The following PCP4L1 variants were observed in gnomAD, a reference collection of about 807,000 sequenced individuals.
The protein encoded by PCP4L1 is Purkinje cell protein 4-like protein 1.
A neutral mutation model predicts 9.6 loss-of-function variants in PCP4L1; 9 were observed. The observed-to-expected ratio is 0.94, with a 90% confidence interval of 0.57 to 1.64. The LOEUF is 1.64. PCP4L1 is among the 40% of genes most tolerant of loss of function. The pLI, the probability that PCP4L1 is intolerant of heterozygous loss-of-function variation, is 0.00. For missense variants in PCP4L1, 81 were observed against 80.8 expected (o/e 1.00, Z -0.01); for synonymous variants, 31 against 28.2 (o/e 1.10, Z -0.31).
chr1:161,258,890 C>A lies in PCP4L1; in HGVS notation c.-85C>A. ...TAACCCCTGCCGCAGAGCCCGGCAA[C>A]TTTCAGCTGTCGCCCGCGGAGCCCC... On this transcript the variant is annotated 5_prime_UTR_variant, in exon 1 of 3. Transcript: ENST00000504449. 3 of 1,531,146 alleles carry A rather than the reference C, an allele frequency of 2.0e-6. No homozygotes were observed. In the South Asian group the frequency reaches 3.6e-5, roughly 18 times the overall value. The allele number at this position is 1,531,146 out of a possible 1,614,324, so 94.8% of individuals were successfully genotyped here.
At chr1:161,272,193 T>TTTC (rs2102236242) in intron 1 of PCP4L1, among the ~76,000 whole-genome samples, 1 of 152,040 alleles carries the variant, frequency 6.6e-6, no homozygotes, top group East Asian at 1.9e-4. Context: ...TCCCTTTTTT[T>TTTC]TTTTTTAAGC....
chr1:161,275,515 CAAAA>C (rs11302998), intron 1 of PCP4L1, among the ~76,000 whole-genome samples: 3 of 91,880 alleles, frequency 3.3e-5, no homozygotes, highest in Non-Finnish European at 4.4e-5. Flanking sequence ...GACTCCGTCT[CAAAA>C]AAAAAAAAAA....
intron 1 of PCP4L1, among the ~76,000 whole-genome samples, chr1:161,262,248 C>T (rs2102230185): frequency 6.6e-6 from 1 of 152,082 alleles, no homozygotes; most frequent in South Asian, 2.1e-4. Flanking sequence ...TCCTGGCTAA[C>T]ATGGTGAAAC....
chr1:161,279,373 C>A (rs1669756491), intron 1 of PCP4L1, among the ~76,000 whole-genome samples: 1 of 152,144 alleles, frequency 6.6e-6, no homozygotes, highest in South Asian at 2.1e-4. Flanking sequence ...ACAATACTTG[C>A]CATGTGATTA....
rs757348131 is a variant in PCP4L1 at position 161,273,275 on chromosome 1, G to A, written c.10-10393G>A. ...AAATTAAGGAAAAGAAGGAGTTGAT[G>A]GGCCTCACAGTTGCTAATTAGTGTT... On this transcript the variant is annotated intron_variant, in intron 1 of 2. Transcript: ENST00000504449. Among the ~76,000 whole-genome samples the A allele has an allele frequency of 1.8e-4, 28 of 152,260 alleles. 1 individual carries two copies. Among genetic ancestry groups the A allele is most frequent in the South Asian group, 1.0e-3 (5 of 4,812 alleles).
chr1:161,264,471 A>G (rs1273962934), intron 1 of PCP4L1, among the ~76,000 whole-genome samples: 3 of 151,894 alleles, frequency 2.0e-5, no homozygotes, highest in African/African-American at 7.2e-5. Flanking sequence ...GAGCCGAGAT[A>G]GCACCACTGC....
At chr1:161,281,941 G>A (rs1000377219) in intron 1 of PCP4L1, among the ~76,000 whole-genome samples, 3 of 151,690 alleles carry the variant, frequency 2.0e-5, no homozygotes, top group Non-Finnish European at 2.9e-5. Flanking sequence ...CATCCCAGAC[G>A]ATGGGCGGCC....
intron 1 of PCP4L1, among the ~76,000 whole-genome samples, chr1:161,270,465 C>T (rs1669604038): frequency 6.7e-6 from 1 of 148,992 alleles, no homozygotes; most frequent in Admixed American, 6.8e-5. Flanking sequence ...TCCTAACCCC[C>T]AAGATGATGA....
intron 1 of PCP4L1, among the ~76,000 whole-genome samples, chr1:161,274,793 G>C (rs778973511): frequency 4.6e-5 from 7 of 152,016 alleles, no homozygotes; most frequent in Non-Finnish European, 8.8e-5. Context: ...TGTCCAGAGT[G>C]GCTATTTCGA....
intron 1 of PCP4L1, among the ~76,000 whole-genome samples, chr1:161,259,255 A>T (rs1448864791): frequency 6.6e-6 from 1 of 152,110 alleles, no homozygotes; most frequent in Non-Finnish European, 1.5e-5. Flanking sequence ...CTGAGCTCTC[A>T]GGTGGTAGGT....
At chr1:161,284,271 G>T in intron 2 of PCP4L1, 68 bp from the exon 3 acceptor site, 5 of 1,607,226 alleles carry the variant, frequency 3.1e-6, no homozygotes, top group Non-Finnish European at 4.3e-6. Flanking sequence ...CCACTGTATT[G>T]GGGGCCTGGA....
chr1:161,282,010 C>T lies in PCP4L1; in HGVS notation c.10-1658C>T, dbSNP rs955366753. 7.9e-5 allele frequency among the ~76,000 whole-genome samples: 12 copies of T among 152,298 alleles called. No homozygotes were observed. In the East Asian group the frequency reaches 1.4e-3, roughly 17 times the overall value. On this transcript the variant is annotated intron_variant, in intron 1 of 2. Transcript: ENST00000504449. Reference sequence around the variant, plus strand: ...GGCAGCCAGGCAGAGGCTGCAATCTCGGCACTTTGGGAGGCCAAGGCAGGC... The same window carrying T: ...GGCAGCCAGGCAGAGGCTGCAATCTTGGCACTTTGGGAGGCCAAGGCAGGC...
chr1:161,261,060 G>A (rs1218117956), intron 1 of PCP4L1, among the ~76,000 whole-genome samples: 1 of 152,076 alleles, frequency 6.6e-6, no homozygotes, highest in Non-Finnish European at 1.5e-5. Context: ...AGAGCTCTAG[G>A]GAGACTCCAA....
intron 1 of PCP4L1, among the ~76,000 whole-genome samples, chr1:161,277,005 C>G (rs967216923): frequency 3.9e-5 from 6 of 152,064 alleles, no homozygotes; most frequent in African/African-American, 1.4e-4. Context: ...ATTATCTCAG[C>G]TATTTAGGAG....
chr1:161,260,413 T>G (rs1030659738), intron 1 of PCP4L1, among the ~76,000 whole-genome samples: 1 of 152,210 alleles, frequency 6.6e-6, no homozygotes. Flanking sequence ...CTCTTTCACC[T>G]CTAATGTGGG....
At chr1:161,259,039 G>C (rs1477938751) in intron 1 of PCP4L1, 56 bp downstream of exon 1, 6 of 1,519,792 alleles carry the variant, frequency 3.9e-6, no homozygotes, top group Non-Finnish European at 4.4e-6. Flanking sequence ...AGGGTGCTGC[G>C]GCTCGGGATC....
At position 161,284,766 on chromosome 1, in the gene PCP4L1, A is replaced by G. The variant is rs961963349; in HGVS notation, c.*285A>G. On this transcript the variant is annotated 3_prime_UTR_variant, in exon 3 of 3. Coordinates refer to ENST00000504449, the MANE Select transcript of PCP4L1 (RefSeq NM_001102566.2). ...CTATGCCTGCCCTGTAGGGCTAAAC[A>G]AGAGGCTTCGAGGCTGAGAGATCTC... The G allele has an allele frequency of 3.7e-5, 15 of 400,316 alleles. No individual in the cohort carries two copies. Among genetic ancestry groups the G allele is most frequent in the Non-Finnish European group, 6.8e-5 (15 of 220,938 alleles). 24.8% of individuals were successfully genotyped at this position (400,316 alleles called of 1,614,324 possible). A position where few individuals can be genotyped will look rare whatever the true frequency, so the allele number is the denominator to read the frequency against.
intron 1 of PCP4L1, among the ~76,000 whole-genome samples, chr1:161,271,728 G>A (rs1669628104): frequency 6.6e-6 from 1 of 151,930 alleles, no homozygotes; most frequent in Admixed American, 6.6e-5. Context: ...GGTCTCCAAT[G>A]CCTGACCTCA....
At chr1:161,264,914 A>G (rs144490397) in intron 1 of PCP4L1, among the ~76,000 whole-genome samples, 11 of 152,326 alleles carry the variant, frequency 7.2e-5, no homozygotes, top group Non-Finnish European at 2.9e-5. Flanking sequence ...ATTAGATAAT[A>G]TTTTATCAAC....
Sources: gnomAD v4.1 joint callset for allele counts (sites outside exome capture counted in the v4.1 genomes callset) on GRCh38, gnomAD v4.1.1 for gene constraint, MANE v1.5 for transcripts, NCBI Gene and HGNC (gene_info 2026-07-23, HGNC 2026-07-21) for gene names.